Variants in ATP6V1H observed in about 807,000 individuals in gnomAD.
ATP6V1H encodes ATPase H+ transporting V1 subunit H.
A neutral mutation model predicts 71.7 loss-of-function variants in ATP6V1H; 39 were observed. The ratio of observed to expected loss-of-function variants is 0.54; its 90% CI spans 0.42 to 0.71. The LOEUF is 0.71. Ranked by LOEUF, ATP6V1H falls within the 30% of genes least tolerant of loss-of-function variation. The probability of loss-of-function intolerance (pLI) is 0.00; values close to 1 mark genes in which losing one functional copy is unlikely to be tolerated. For missense variants in ATP6V1H, 509 were observed against 594.9 expected, an observed-to-expected ratio of 0.86 and a Z score of 1.50; for synonymous variants, 192 against 199.3, an observed-to-expected ratio of 0.96 and a Z score of 0.31.
At chr8:53,732,320 A>G (rs899143049) in intron 13 of ATP6V1H, among the ~76,000 whole-genome samples, 1 of 152,202 alleles carries the variant, frequency 6.6e-6, no homozygotes, top group African/African-American at 2.4e-5. Flanking sequence ...AAAAATATAC[A>G]TATACAAAAA....
At chr8:53,782,508 C>A (rs1809189516) in intron 9 of ATP6V1H, among the ~76,000 whole-genome samples, 1 of 152,162 alleles carries the variant, frequency 6.6e-6, no homozygotes, top group South Asian at 2.1e-4. Context: ...TTGACTTCCT[C>A]TTTTCCTAAT....
intron 7 of ATP6V1H, among the ~76,000 whole-genome samples, chr8:53,805,867 G>A (rs556688082): frequency 6.6e-6 from 1 of 152,152 alleles, no homozygotes; most frequent in Admixed American, 6.5e-5. Flanking sequence ...TATTAAGCAA[G>A]AGAGCTCAGA....
At chr8:53,782,565 C>T (rs1809192804) in intron 9 of ATP6V1H, among the ~76,000 whole-genome samples, 1 of 152,136 alleles carries the variant, frequency 6.6e-6, no homozygotes, top group African/African-American at 2.4e-5. Context: ...CTGGCCATAA[C>T]TTCCAACACT....
At chr8:53,826,305 A>G (rs187726638) in intron 4 of ATP6V1H, among the ~76,000 whole-genome samples, 99 of 152,354 alleles carry the variant, frequency 6.5e-4, no homozygotes, top group African/African-American at 2.2e-3. Flanking sequence ...AGAATTTACC[A>G]TGAAATATAC....
intron 13 of ATP6V1H, among the ~76,000 whole-genome samples, chr8:53,730,921 G>A (rs1302631463): frequency 6.6e-6 from 1 of 152,074 alleles, no homozygotes; most frequent in African/African-American, 2.4e-5. Context: ...TGGACTCACC[G>A]ACATCCACAG....
chr8:53,722,935 TG>T (rs2130088426), intron 13 of ATP6V1H, among the ~76,000 whole-genome samples: 1 of 152,352 alleles, frequency 6.6e-6, no homozygotes, highest in Non-Finnish European at 1.5e-5. Context: ...AATGTTTTAA[TG>T]ATATGTAGTA....
intron 13 of ATP6V1H, among the ~76,000 whole-genome samples, chr8:53,727,034 A>T (rs2130107999): frequency 6.6e-6 from 1 of 152,370 alleles, no homozygotes; most frequent in Non-Finnish European, 1.5e-5. Flanking sequence ...TTGCTAAGTT[A>T]GTTGATCTGA....
At chr8:53,747,868 G>A (rs951345212) in intron 12 of ATP6V1H, among the ~76,000 whole-genome samples, 3 of 151,934 alleles carry the variant, frequency 2.0e-5, no homozygotes, top group African/African-American at 7.2e-5. Flanking sequence ...CAGAAGTGGT[G>A]GGAGAGGCCA....
chr8:53,733,298 G>T (rs914701344), intron 13 of ATP6V1H, among the ~76,000 whole-genome samples: 1 of 152,184 alleles, frequency 6.6e-6, no homozygotes, highest in African/African-American at 2.4e-5. Flanking sequence ...AAGATCCGGG[G>T]TCAGGTGTCA....
chr8:53,740,072 ATAAG>A (rs1464365172), intron 13 of ATP6V1H, among the ~76,000 whole-genome samples: 14 of 152,360 alleles, frequency 9.2e-5, no homozygotes, highest in Admixed American at 2.6e-4. Flanking sequence ...CATAAAATAA[ATAAG>A]TATTTTCCCA....
chr8:53,787,062 C>G (rs141430897), intron 9 of ATP6V1H, among the ~76,000 whole-genome samples: 2 of 152,192 alleles, frequency 1.3e-5, no homozygotes, highest in African/African-American at 4.8e-5. Context: ...CAAATTCCTA[C>G]AAGTTTCTAA....
At chr8:53,838,458 A>T (rs933496936) in intron 2 of ATP6V1H, among the ~76,000 whole-genome samples, 3 of 151,896 alleles carry the variant, frequency 2.0e-5, no homozygotes, top group African/African-American at 7.3e-5. Context: ...AAATTCCCCC[A>T]ATACTCCCAG....
intron 11 of ATP6V1H, among the ~76,000 whole-genome samples, chr8:53,767,779 G>A (rs543307475): frequency 2.0e-5 from 3 of 152,266 alleles, no homozygotes; most frequent in African/African-American, 7.2e-5. Flanking sequence ...AAAGAAAGAA[G>A]TTGGAACCTT....
chr8:53,738,558 T>A (rs1807308586), intron 13 of ATP6V1H, among the ~76,000 whole-genome samples: 1 of 152,202 alleles, frequency 6.6e-6, no homozygotes, highest in Non-Finnish European at 1.5e-5. Context: ...AACCAAAACA[T>A]GAACTAGATC....
At chr8:53,772,996 C>T (rs774932585) in intron 9 of ATP6V1H, among the ~76,000 whole-genome samples, 7 of 151,110 alleles carry the variant, frequency 4.6e-5, no homozygotes, top group Non-Finnish European at 1.0e-4. Context: ...AGTTCTATCC[C>T]TAATAATAAG....
intron 13 of ATP6V1H, among the ~76,000 whole-genome samples, chr8:53,725,830 A>ATG (rs1162189002): frequency 2.0e-5 from 3 of 152,190 alleles, no homozygotes; most frequent in Middle Eastern, 3.4e-3. Flanking sequence ...ACTTGCTTGT[A>ATG]TGTTCTCCTT....
chr8:53,739,191 C>A (rs560942557), intron 13 of ATP6V1H, among the ~76,000 whole-genome samples: 10 of 152,128 alleles, frequency 6.6e-5, no homozygotes, highest in African/African-American at 2.2e-4. Flanking sequence ...AACGTTAAAT[C>A]TAGAAATGTT....
At chr8:53,717,512 G>A (rs1043372477) in intron 13 of ATP6V1H, among the ~76,000 whole-genome samples, 1 of 152,216 alleles carries the variant, frequency 6.6e-6, no homozygotes, top group African/African-American at 2.4e-5. Context: ...ACATTAAAGT[G>A]TTTAATATTC....
chr8:53,725,406 T>A (rs1806778916), intron 13 of ATP6V1H, among the ~76,000 whole-genome samples: 1 of 151,946 alleles, frequency 6.6e-6, no homozygotes, highest in Non-Finnish European at 1.5e-5. Context: ...TAAATTCCAT[T>A]TCTTTAGACA....
Sources: gnomAD v4.1 joint callset for allele counts (sites outside exome capture counted in the v4.1 genomes callset) on GRCh38, gnomAD v4.1.1 for gene constraint, MANE v1.5 for transcripts, NCBI Gene and HGNC (gene_info 2026-07-23, HGNC 2026-07-21) for gene names.